The following MYLK variants were observed in gnomAD, a reference collection of about 807,000 sequenced individuals.
MYLK encodes the protein myosin light chain kinase.
Under a neutral mutation model 203.4 loss-of-function variants are expected in MYLK, and 106 were observed. That is an observed-to-expected ratio of 0.52 (90% CI 0.45 to 0.61). MYLK has a LOEUF of 0.61. Ranked by LOEUF, MYLK falls within the 20% of genes least tolerant of loss-of-function variation. The probability of loss-of-function intolerance (pLI) is 0.00; values close to 1 mark genes in which losing one functional copy is unlikely to be tolerated. For missense variants in MYLK, 2,072 were observed against 2,442.3 expected, an observed-to-expected ratio of 0.85 and a Z score of 3.20; for synonymous variants, 867 against 959.5, an observed-to-expected ratio of 0.90 and a Z score of 1.78.
At position 123,701,395 on chromosome 3, in the gene MYLK, G is replaced by A. The variant is rs766457935; in HGVS notation, c.2462+43C>T. The A allele has an allele frequency of 2.5e-6, 4 of 1,596,214 alleles. No homozygotes were observed. The East Asian group carries it at 8.9e-5, about 36-fold the overall frequency. ...CTGCCGGGGCCAGGAGGAAGGTGGG[G>A]ATGGGGGCATGGCCTGGAGGGGCAG... On this transcript the variant is annotated intron_variant, in intron 17 of 33. Transcript: ENST00000360304.
At chr3:123,803,215 G>A (rs959624837) in intron 3 of MYLK, among the ~76,000 whole-genome samples, 4 of 152,334 alleles carry the variant, frequency 2.6e-5, no homozygotes, top group Non-Finnish European at 1.5e-5. Flanking sequence ...AGATTGTTAC[G>A]AGGGTCAGCA....
chr3:123,752,442 T>TC lies in MYLK; in HGVS notation c.261dup (p.Thr88AspfsTer11). 2 of 1,614,090 alleles carry TC rather than the reference T, an allele frequency of 1.2e-6. No homozygotes were observed. The highest frequency in any genetic ancestry group is 1.7e-6 in the Non-Finnish European group (2 of 1,180,022). On this transcript the variant is annotated frameshift_variant, in exon 5 of 34. Coordinates refer to ENST00000360304, the MANE Select transcript of MYLK (RefSeq NM_053025.4). LOFTEE classifies it high-confidence loss of function. ...ACAGCATGAATCACAAGGCTGAAAG[T>TC]CCCCCGGATGCCGCAATCCAGCAGG...
At chr3:123,796,379 A>C (rs930930839) in intron 3 of MYLK, among the ~76,000 whole-genome samples, 1 of 152,120 alleles carries the variant, frequency 6.6e-6, no homozygotes, top group African/African-American at 2.4e-5. Flanking sequence ...GCTATTCTTA[A>C]CCACTAGGCC....
In MYLK at chr3:123,663,750, T is replaced by C. The variant is rs559592149; in HGVS notation, c.3985+355A>G. 2.8e-4 allele frequency among the ~76,000 whole-genome samples: 42 copies of C among 152,188 alleles called. No individual in the cohort carries two copies. The South Asian group carries it at 8.1e-3, about 29-fold the overall frequency. ...GGGACAGATACAGACACCTGTGGCG[T>C]AGGGGCCAAGAAGTTGACCAAGTTT... On this transcript the variant is annotated intron_variant, in intron 23 of 33. Coordinates refer to ENST00000360304, the MANE Select transcript of MYLK (RefSeq NM_053025.4).
intron 1 of MYLK, among the ~76,000 whole-genome samples, chr3:123,878,310 C>A (rs145587792): frequency 1.3e-5 from 2 of 152,178 alleles, no homozygotes; most frequent in African/African-American, 4.8e-5. Context: ...GGAGATACCA[C>A]GTCACATAGC....
At chr3:123,802,540 T>C (rs2065232303) in intron 3 of MYLK, among the ~76,000 whole-genome samples, 1 of 152,220 alleles carries the variant, frequency 6.6e-6, no homozygotes, top group Admixed American at 6.5e-5. Context: ...GCCCACATCT[T>C]TGGCAGAAAG....
chr3:123,790,871 C>A (rs968780585), intron 4 of MYLK, among the ~76,000 whole-genome samples: 17 of 152,188 alleles, frequency 1.1e-4, no homozygotes, highest in African/African-American at 4.1e-4. Flanking sequence ...GTGGGCGCAA[C>A]TTCACGGAGG....
At chr3:123,692,023 G>C (rs768295947) in intron 19 of MYLK, among the ~76,000 whole-genome samples, 1 of 152,126 alleles carries the variant, frequency 6.6e-6, no homozygotes, top group Non-Finnish European at 1.5e-5. Context: ...CTACTTCTCA[G>C]GTTCCAATTC....
intron 5 of MYLK, among the ~76,000 whole-genome samples, chr3:123,747,809 G>A (rs2063067781): frequency 6.6e-6 from 1 of 152,188 alleles, no homozygotes; most frequent in African/African-American, 2.4e-5. Context: ...CTGAGCTTAT[G>A]TCCTTAAAGT....
rs1296362728 is a variant in MYLK at position 123,734,103 on chromosome 3, G to A, written c.893C>T (p.Ser298Phe). Residue 298 changes from serine to phenylalanine, a missense_variant, in exon 10 of 34, where the codon TCC becomes TTC. Ser to Phe is a radical substitution (Grantham distance 155). Around this residue, in one of 3 missense-constraint regions of MYLK, gnomAD observed 683 missense variants for 643.8 expected, o/e 1.06. Coordinates refer to ENST00000360304, the MANE Select transcript of MYLK (RefSeq NM_053025.4). The stretch of plus-strand genomic sequence containing the variant: ...TGGGGAGCCACCTCTCTGGGGGCTG[G>A]AGCAGTTCTTGCTTTTGGCTGCAGC... ...LEAAAKSKNC[S>F]SPQRGGSPPW... is the part of the protein sequence containing the mutation. 3.1e-6 allele frequency: 5 copies of A among 1,606,664 alleles called. No individual in the cohort carries two copies. Among genetic ancestry groups the A allele is most frequent in the African/African-American group, 1.3e-5 (1 of 74,782 alleles).
intron 3 of MYLK, among the ~76,000 whole-genome samples, chr3:123,796,564 A>G (rs1276077786): frequency 6.6e-6 from 1 of 152,232 alleles, no homozygotes; most frequent in Non-Finnish European, 1.5e-5. Context: ...GTTTGCACCA[A>G]ACAAAGGTCT....
At chr3:123,863,722 G>A (rs761397586) in intron 2 of MYLK, among the ~76,000 whole-genome samples, 2 of 152,198 alleles carry the variant, frequency 1.3e-5, no homozygotes, top group Middle Eastern at 3.4e-3. Context: ...TGTTGATGAC[G>A]ATGTGAAGCA....
chr3:123,868,443 A>G (rs1023322920), intron 2 of MYLK, among the ~76,000 whole-genome samples: 6 of 152,160 alleles, frequency 3.9e-5, no homozygotes, highest in Non-Finnish European at 5.9e-5. Context: ...AATACCCAAC[A>G]TTTTCTGAGC....
At chr3:123,706,259 G>C (rs1053478929) in intron 16 of MYLK, among the ~76,000 whole-genome samples, 8 of 152,136 alleles carry the variant, frequency 5.3e-5, no homozygotes, top group Admixed American at 6.5e-5. Context: ...TATTGGGGTG[G>C]TTCGTTATGC....
rs544338598 is a variant in MYLK, at chr3:123,871,148, A to G, written c.-127+5411T>C. The stretch of plus-strand genomic sequence containing the variant: ...TAAAGCTCTCCTAATAAATGCTTAG[A>G]GGTAGGAAAACTGGTTCTACACCTC... On this transcript the variant is annotated intron_variant, in intron 2 of 33. Coordinates refer to ENST00000360304, the MANE Select transcript of MYLK (RefSeq NM_053025.4). 3.9e-5 allele frequency among the ~76,000 whole-genome samples: 6 copies of G among 152,286 alleles called. No homozygotes were observed. The South Asian group carries it at 1.2e-3, about 32-fold the overall frequency.
chr3:123,741,527 G>T (rs565947870), intron 5 of MYLK, among the ~76,000 whole-genome samples: 1 of 152,198 alleles, frequency 6.6e-6, no homozygotes, highest in South Asian at 2.1e-4. Context: ...AAGATGCTGG[G>T]CCCTCAGATG....
intron 3 of MYLK, among the ~76,000 whole-genome samples, chr3:123,796,967 A>T (rs2065009184): frequency 6.6e-6 from 1 of 152,336 alleles, no homozygotes; most frequent in South Asian, 2.1e-4. Context: ...TTATAAGAAC[A>T]CTATTTGCAT....
At chr3:123,867,495 G>A (rs1261040115) in intron 2 of MYLK, among the ~76,000 whole-genome samples, 1 of 151,404 alleles carries the variant, frequency 6.6e-6, no homozygotes, top group African/African-American at 2.4e-5. Flanking sequence ...AGGACATCAT[G>A]TGAACATACA....
chr3:123,843,524 C>T (rs548942019), intron 2 of MYLK, among the ~76,000 whole-genome samples: 4 of 152,306 alleles, frequency 2.6e-5, no homozygotes, highest in Admixed American at 1.3e-4. Flanking sequence ...TTACAGAAAA[C>T]TCTGCTACAT....
Sources: gnomAD v4.1 joint callset for allele counts (sites outside exome capture counted in the v4.1 genomes callset) on GRCh38, gnomAD v4.1.1 for gene constraint, gnomAD v4.1.1 regional missense constraint, MANE v1.5 for transcripts, NCBI Gene and HGNC (gene_info 2026-07-23, HGNC 2026-07-21) for gene names.